HS3ST4: variants seen among roughly 807,000 people sequenced by gnomAD.
HS3ST4 encodes heparan sulfate-glucosamine 3-sulfotransferase 4.
In HS3ST4, 17 loss-of-function variants were observed where a neutral mutation model predicts 29.2. The observed-to-expected ratio is 0.58, with a 90% CI of 0.40 to 0.87. HS3ST4 has a LOEUF of 0.87. HS3ST4 is among the 40% of genes least tolerant of loss of function. The probability of loss-of-function intolerance (pLI) is 0.00; values close to 1 mark genes in which losing one functional copy is unlikely to be tolerated. For synonymous variants in HS3ST4, 314 were observed against 285.7 expected (o/e 1.10, Z -1.00); for missense variants, 627 against 634.5 (o/e 0.99, Z 0.13).
chr16:25,743,447 A>T (rs1006478254), intron 1 of HS3ST4, among the ~76,000 whole-genome samples: 2 of 152,188 alleles, frequency 1.3e-5, no homozygotes, highest in South Asian at 2.1e-4. Flanking sequence ...CAATTAATCA[A>T]TCGGCATATC....
chr16:26,118,380 A>C (rs978183247), intron 1 of HS3ST4, among the ~76,000 whole-genome samples: 1 of 152,112 alleles, frequency 6.6e-6, no homozygotes, highest in Non-Finnish European at 1.5e-5. Flanking sequence ...GAGCCACCAC[A>C]CCTGGCCTAG....
chr16:25,951,866 C>T (rs187673718), intron 1 of HS3ST4, among the ~76,000 whole-genome samples: 13 of 151,970 alleles, frequency 8.6e-5, no homozygotes, highest in African/African-American at 2.4e-4. Context: ...GTACAGCCCA[C>T]GAGCTAAGAA....
chr16:25,710,530 TC>T (rs1280981675), intron 1 of HS3ST4, among the ~76,000 whole-genome samples: 1 of 81,318 alleles, frequency 1.2e-5, no homozygotes, highest in Non-Finnish European at 3.1e-5. Flanking sequence ...CAGGTTGGAG[TC>T]TGGCTCGTTC....
At chr16:25,864,560 C>T (rs1294000750) in intron 1 of HS3ST4, among the ~76,000 whole-genome samples, 2 of 152,118 alleles carry the variant, frequency 1.3e-5, no homozygotes, top group African/African-American at 4.8e-5. Context: ...CCTCCCACTC[C>T]CTTTCCCCTG....
intron 1 of HS3ST4, among the ~76,000 whole-genome samples, chr16:25,710,842 G>A (rs1195401509): frequency 3.4e-5 from 4 of 118,684 alleles, no homozygotes; most frequent in Admixed American, 1.9e-4. Context: ...TTAATGACAG[G>A]ATCTTGCTTC....
chr16:25,799,548 TATC>T (rs1247632901), intron 1 of HS3ST4, among the ~76,000 whole-genome samples: 1 of 152,164 alleles, frequency 6.6e-6, no homozygotes, highest in Non-Finnish European at 1.5e-5. Flanking sequence ...ATTTAAATGA[TATC>T]ATATTATACC....
At chr16:26,085,723 A>C (rs1210465224) in intron 1 of HS3ST4, among the ~76,000 whole-genome samples, 22 of 151,676 alleles carry the variant, frequency 1.5e-4, no homozygotes, top group Admixed American at 1.4e-3. Flanking sequence ...TTTTTTTAAA[A>C]ATTAGCTGTG....
At chr16:25,729,216 A>G (rs2141592851) in intron 1 of HS3ST4, among the ~76,000 whole-genome samples, 1 of 152,320 alleles carries the variant, frequency 6.6e-6, no homozygotes, top group South Asian at 2.1e-4. Context: ...GGGAATAGTG[A>G]GAGTTTCTTT....
intron 1 of HS3ST4, among the ~76,000 whole-genome samples, chr16:25,838,653 C>G (rs1040664096): frequency 3.9e-5 from 6 of 152,150 alleles, no homozygotes; most frequent in Admixed American, 1.3e-4. Flanking sequence ...ACACCAGTCC[C>G]TTCTAAGTCT....
At chr16:25,711,404 A>G (rs1966414421) in intron 1 of HS3ST4, among the ~76,000 whole-genome samples, 1 of 151,892 alleles carries the variant, frequency 6.6e-6, no homozygotes. Flanking sequence ...CGCCTGGGCT[A>G]TTTCAAGGCA....
intron 1 of HS3ST4, among the ~76,000 whole-genome samples, chr16:25,872,358 C>G (rs1967763992): frequency 6.6e-6 from 1 of 152,250 alleles, no homozygotes; most frequent in Admixed American, 6.5e-5. Flanking sequence ...AACACACCAC[C>G]CTGAACTTCG....
chr16:25,789,448 TTCC>T (rs1567240208), intron 1 of HS3ST4, among the ~76,000 whole-genome samples: 4 of 58,274 alleles, frequency 6.9e-5, no homozygotes, highest in Non-Finnish European at 1.4e-4. Flanking sequence ...CCTTCCTTCC[TTCC>T]TTCCTTCCTT....
chr16:25,904,217 CGGATGGAT>C (rs1364102390), intron 1 of HS3ST4, among the ~76,000 whole-genome samples: 1 of 142,166 alleles, frequency 7.0e-6, no homozygotes, highest in Non-Finnish European at 1.6e-5. Flanking sequence ...GATGGATGGA[CGGATGGAT>C]GGATGAATGG....
intron 1 of HS3ST4, among the ~76,000 whole-genome samples, chr16:25,960,107 G>C (rs1368679000): frequency 3.9e-5 from 6 of 152,114 alleles, no homozygotes; most frequent in Non-Finnish European, 8.8e-5. Context: ...TTGCACTCCA[G>C]CCTGGGCAAC....
chr16:26,043,493 C>T (rs1263804310), intron 1 of HS3ST4, among the ~76,000 whole-genome samples: 3 of 152,150 alleles, frequency 2.0e-5, no homozygotes, highest in Non-Finnish European at 4.4e-5. Flanking sequence ...CTTTACCTCT[C>T]TGAGGCTCAG....
chr16:25,915,187 T>C (rs990939288), intron 1 of HS3ST4, among the ~76,000 whole-genome samples: 2 of 152,108 alleles, frequency 1.3e-5, no homozygotes, highest in Admixed American at 6.5e-5. Context: ...CATTCTTCTT[T>C]GTATTCACTT....
chr16:25,862,523 A>G lies in HS3ST4; in HGVS notation c.734+169372A>G, dbSNP rs193057449. ...ATGAGAATGTAATGCCGATGCTGAT[A>G]TGACAGGAGACGGAGCCCAGGCCAG... On this transcript the variant is annotated intron_variant, in intron 1 of 1. Transcript: ENST00000331351. Among the ~76,000 whole-genome samples, 3 of 152,262 alleles carry G rather than the reference A, an allele frequency of 2.0e-5. No homozygotes were observed. The East Asian group carries it at 5.8e-4, about 30-fold the overall frequency.
intron 1 of HS3ST4, among the ~76,000 whole-genome samples, chr16:26,035,227 G>A (rs1013389894): frequency 6.6e-6 from 1 of 152,170 alleles, no homozygotes; most frequent in Non-Finnish European, 1.5e-5. Context: ...AGTTGTCAAA[G>A]GAAACACAGA....
At chr16:25,811,069 G>A (rs1399716856) in intron 1 of HS3ST4, among the ~76,000 whole-genome samples, 1 of 152,154 alleles carries the variant, frequency 6.6e-6, no homozygotes, top group Admixed American at 6.5e-5. Context: ...CTACAAAACT[G>A]CTGGCTTAAA....
Sources: gnomAD v4.1 joint callset for allele counts (sites outside exome capture counted in the v4.1 genomes callset) on GRCh38, gnomAD v4.1.1 for gene constraint, MANE v1.5 for transcripts, NCBI Gene and HGNC (gene_info 2026-07-23, HGNC 2026-07-21) for gene names.